The following PRKACA variants were observed in gnomAD, a reference collection of about 807,000 sequenced individuals.
PRKACA encodes the protein protein kinase cAMP-activated catalytic subunit alpha, also known as cAMP-dependent protein kinase catalytic subunit alpha.
Under a neutral mutation model 45.8 loss-of-function variants are expected in PRKACA, and 9 were observed. That is an observed-to-expected ratio of 0.20 (90% CI 0.12 to 0.34). PRKACA has a LOEUF of 0.34. PRKACA is among the 10% of genes least tolerant of loss of function. The probability of loss-of-function intolerance (pLI) is 1.00; values close to 1 mark genes in which losing one functional copy is unlikely to be tolerated. For missense variants in PRKACA, 238 were observed against 458.6 expected (o/e 0.52, Z 4.39); for synonymous variants, 160 against 178.6 (o/e 0.90, Z 0.83).
intron 3 of PRKACA, among the ~76,000 whole-genome samples, chr19:14,106,410 T>C (rs369761428): frequency 3.3e-5 from 5 of 151,998 alleles, no homozygotes; most frequent in East Asian, 3.9e-4. Flanking sequence ...TCCCAGCACT[T>C]TGGGAGGCTG....
chr19:14,098,189 A>AGCAAAAGAAGAC (rs1398951289), intron 5 of PRKACA: 2 of 293,856 alleles, frequency 6.8e-6, no homozygotes, highest in Non-Finnish European at 1.3e-5. Context: ...GATTATGTTA[A>AGCAAAAGAAGAC]GCAAAAGAAG....
rs781602713 is a variant in PRKACA, at chr19:14,097,469, G to A, written c.657C>T (p.Ala219=). 21 of 1,613,980 alleles carry A rather than the reference G, an allele frequency of 1.3e-5. No homozygotes were observed. In the East Asian group the frequency reaches 1.3e-4, roughly 10 times the overall value. ...GAACCCCCAGGGCCCACCAGTCCACGGCCTTGTTGTAGCCCTGGAGCAAGA... is the reference window on the plus strand; with the variant it reads ...GAACCCCCAGGGCCCACCAGTCCACAGCCTTGTTGTAGCCCTGGAGCAAGA... ...EIILSKGYNK[A]VDWWALGVLI... Residue 219 remains alanine, a synonymous_variant, in exon 8 of 10, where the codon GCC becomes GCT. Transcript: ENST00000308677. This position sits in a 1 kb window ranked among gnomAD's most constrained non-coding sequence, Gnocchi z 5.4.
intron 1 of PRKACA, among the ~76,000 whole-genome samples, chr19:14,116,977 T>C (rs1170898832): frequency 8.9e-6 from 1 of 112,124 alleles, no homozygotes; most frequent in East Asian, 2.8e-4. Context: ...GGGGCTGTGC[T>C]AAGGTGAAGA....
At chr19:14,101,437 G>A (rs1290490756) in intron 4 of PRKACA, among the ~76,000 whole-genome samples, 9 of 152,074 alleles carry the variant, frequency 5.9e-5, no homozygotes, top group Non-Finnish European at 8.8e-5. Flanking sequence ...GCATCATGGC[G>A]TGCACCTGTA....
Position 14,114,283 on chromosome 19 carries a change from G to C in PRKACA, c.46+3219C>G, listed in dbSNP as rs1967059768. 3.7e-6 allele frequency: 5 copies of C among 1,339,586 alleles called. No individual in the cohort carries two copies. The South Asian group carries it at 6.3e-5, about 17-fold the overall frequency. 83.0% of individuals were successfully genotyped at this position (1,339,586 alleles called of 1,614,324 possible). On this transcript the variant is annotated intron_variant, in intron 1 of 9. Coordinates refer to ENST00000308677, the MANE Select transcript of PRKACA (RefSeq NM_002730.4). ...GGGGAGCTAGGGAGCCGTGGGGTGG[G>C]AGCAGGAAGAGAAACCCAACCCAGA...
At chr19:14,111,968 C>T (rs528072984) in intron 1 of PRKACA, among the ~76,000 whole-genome samples, 86 of 152,340 alleles carry the variant, frequency 5.6e-4, no homozygotes, top group South Asian at 1.2e-3. Context: ...TGCACCTCCC[C>T]GACTCGCTGA....
chr19:14,102,869 T>C lies in PRKACA; in HGVS notation c.283A>G (p.Ile95Val). The C allele has an allele frequency of 6.2e-7, 1 of 1,614,122 alleles. No homozygotes were observed. The highest frequency in any genetic ancestry group is 8.5e-7 in the Non-Finnish European group (1 of 1,180,014). The change falls in exon 4 of 10, where the codon ATC (isoleucine) becomes GTC (valine). Residue 95 changes from isoleucine (I) to valine (V), a missense_variant. Ile to Val is a conservative substitution (Grantham distance 29). Coordinates refer to ENST00000308677, the MANE Select transcript of PRKACA (RefSeq NM_002730.4). ...AACGGAAAGTTGACAGCTTGCAGGA[T>C]GCGCTTTTCATTCAGGGTGTGTTCG... is the stretch of plus-strand genomic sequence containing the variant. ...QIEHTLNEKR[I>V]LQAVNFPFLV...
chr19:14,115,807 A>T (rs1480079842), intron 1 of PRKACA, among the ~76,000 whole-genome samples: 1 of 152,028 alleles, frequency 6.6e-6, no homozygotes, highest in Non-Finnish European at 1.5e-5. Context: ...AGCTACCGCA[A>T]TATATAGCTG....
chr19:14,101,980 A>G (rs560857292), intron 4 of PRKACA, among the ~76,000 whole-genome samples: 3 of 151,570 alleles, frequency 2.0e-5, no homozygotes, highest in African/African-American at 7.3e-5. Context: ...CCTGAGCAAC[A>G]TGGCAAAATC....
At chr19:14,115,878 C>A (rs566924337) in intron 1 of PRKACA, among the ~76,000 whole-genome samples, 2 of 152,140 alleles carry the variant, frequency 1.3e-5, no homozygotes, top group African/African-American at 2.4e-5. Flanking sequence ...CTCCTCCCCC[C>A]CCGGCCAAGT....
At chr19:14,103,986 A>G (rs1398838131) in intron 3 of PRKACA, among the ~76,000 whole-genome samples, 1 of 151,964 alleles carries the variant, frequency 6.6e-6, no homozygotes, top group Non-Finnish European at 1.5e-5. Context: ...AGGTGGGAGG[A>G]TCATTTGAGC....
rs1977133655 is a variant in PRKACA, at chr19:14,093,072, AAAAAG to A, written c.*35_*39del. ...CCCACCCCCCCGACCAAAAAAAAGA[AAAAAG>A]AAAAAAGAAAACCCATGGGGGCACA... is the stretch of plus-strand genomic sequence containing the variant. On this transcript the variant is annotated 3_prime_UTR_variant, in exon 10 of 10. Transcript: ENST00000308677. 1.4e-6 allele frequency: 2 copies of A among 1,444,340 alleles called. No homozygotes were observed. Among genetic ancestry groups the A allele is most frequent in the African/African-American group, 1.4e-5 (1 of 69,056 alleles). The allele number at this position is 1,444,340 out of a possible 1,614,324, so 89.5% of individuals were successfully genotyped here.
Position 14,097,312 on chromosome 19 carries a change from G to C in PRKACA, c.765+49C>G. ...CCCCAGGGAATAGGATGGGTGAGCA[G>C]GGAACGGTCTGTTTCTTCCAGGGCT... On this transcript the variant is annotated intron_variant, in intron 8 of 9. Coordinates refer to ENST00000308677, the MANE Select transcript of PRKACA (RefSeq NM_002730.4). The surrounding 1 kb of genome is among the most constrained non-coding windows in gnomAD (Gnocchi z 5.4). 1.2e-6 allele frequency: 2 copies of C among 1,612,740 alleles called. No homozygotes were observed. Among genetic ancestry groups the C allele is most frequent in the Non-Finnish European group, 8.5e-7 (1 of 1,179,108 alleles).
chr19:14,096,032 GTTTTTTTTTTTT>G (rs60082323), intron 8 of PRKACA, among the ~76,000 whole-genome samples: 2 of 92,580 alleles, frequency 2.2e-5, no homozygotes, highest in Non-Finnish European at 4.2e-5. Context: ...CTAATTTTTA[GTTTTTTTTTTTT>G]TTTTTTTTTT....
At chr19:14,107,245 C>T in intron 2 of PRKACA, 103 bp downstream of exon 2, 1 of 1,282,142 alleles carries the variant, frequency 7.8e-7, no homozygotes, top group Non-Finnish European at 1.1e-6. Context: ...GGTCTGAAGC[C>T]TTCTATGGGG....
In PRKACA at chr19:14,092,395, G is replaced by C; in HGVS notation, c.*717C>G. ...AGGATTGGCAGAGAGGATTCCCCGGGGAGGGGCCCAGGGGAGATTAGCAGC... is the reference window on the plus strand; with the variant it reads ...AGGATTGGCAGAGAGGATTCCCCGGCGAGGGGCCCAGGGGAGATTAGCAGC... On this transcript the variant is annotated 3_prime_UTR_variant, in exon 10 of 10. Transcript: ENST00000308677. The C allele has an allele frequency of 2.6e-6, 1 of 379,078 alleles. No individual in the cohort carries two copies. The highest frequency in any genetic ancestry group is 4.7e-6 in the Non-Finnish European group (1 of 213,832). The allele number at this position is 379,078 out of a possible 1,614,324, so 23.5% of individuals were successfully genotyped here. A position where few individuals can be genotyped will look rare whatever the true frequency, so the allele number is the denominator to read the frequency against.
intron 1 of PRKACA, among the ~76,000 whole-genome samples, chr19:14,114,502 G>A (rs777410766): frequency 2.6e-5 from 4 of 152,004 alleles, no homozygotes; most frequent in Non-Finnish European, 5.9e-5. Flanking sequence ...GGTCTTCTTG[G>A]GGGGTGCTTT....
chr19:14,102,951 GA>G (rs995179213), intron 3 of PRKACA, 37 bp from the exon 4 acceptor site: 21 of 1,513,776 alleles, frequency 1.4e-5, no homozygotes, highest in Non-Finnish European at 1.8e-5. Flanking sequence ...AAAGGAGGGG[GA>G]GGTGAGAGGG....
rs557526336 is a variant in PRKACA at position 14,105,342 on chromosome 19, A to G, written c.237+1418T>C. On this transcript the variant is annotated intron_variant, in intron 3 of 9. Transcript: ENST00000308677. The stretch of plus-strand genomic sequence containing the variant: ...ACCTGACCAACATGGTGAAACCCCA[A>G]GTCTACTAAAAATACAAAAGTTAGC... 5.9e-5 allele frequency among the ~76,000 whole-genome samples: 9 copies of G among 152,078 alleles called. 1 individual carries two copies. The South Asian group carries it at 1.9e-3, about 32-fold the overall frequency.
Sources: allele counts gnomAD v4.1 joint callset (sites outside exome capture counted in the v4.1 genomes callset), GRCh38; gene constraint gnomAD v4.1.1; non-coding constraint Gnocchi (gnomAD v3.1); transcripts MANE v1.5; gene names NCBI Gene and HGNC (gene_info 2026-07-23, HGNC 2026-07-21).